The following STRN3 variants were observed in gnomAD, a reference collection of about 807,000 sequenced individuals.
STRN3 encodes striatin 3, also known as striatin-3.
In STRN3, 29 loss-of-function variants were observed where a neutral mutation model predicts 95.6. That is an observed-to-expected ratio of 0.30 (90% confidence interval 0.23 to 0.41). The LOEUF is 0.41. Ranked by LOEUF, STRN3 falls within the 10% of genes least tolerant of loss-of-function variation. STRN3 has a pLI of 1.00. For missense variants in STRN3, 890 were observed against 972.1 expected, an observed-to-expected ratio of 0.92 and a Z score of 1.12; for synonymous variants, 331 against 357.6, an observed-to-expected ratio of 0.93 and a Z score of 0.84.
At position 30,895,162 on chromosome 14, in the gene STRN3, G is replaced by A. The variant is rs569121516; in HGVS notation, c.*249C>T. On this transcript the variant is annotated 3_prime_UTR_variant, in exon 18 of 18. Transcript: ENST00000357479. ...TAAAGACACCTAAAAACAGATATAC[G>A]CTCAGTTCACATCCAGTACAGGCCA... is the stretch of plus-strand genomic sequence containing the variant. 15 of 387,810 alleles carry A rather than the reference G, an allele frequency of 3.9e-5. No individual in the cohort carries two copies. The highest frequency in any genetic ancestry group is 1.7e-4 in the African/African-American group (8 of 47,494). 24.0% of individuals were successfully genotyped at this position (387,810 alleles called of 1,614,324 possible). A position where few individuals can be genotyped will look rare whatever the true frequency, so the allele number is the denominator to read the frequency against.
At chr14:30,919,738 T>C (rs1482082524) in intron 8 of STRN3, among the ~76,000 whole-genome samples, 2 of 152,142 alleles carry the variant, frequency 1.3e-5, no homozygotes, top group Non-Finnish European at 2.9e-5. Flanking sequence ...ATCTCTGAGT[T>C]TCTCATAATG....
At chr14:30,933,693 T>C (rs971517493) in intron 7 of STRN3, among the ~76,000 whole-genome samples, 1 of 152,148 alleles carries the variant, frequency 6.6e-6, no homozygotes, top group Non-Finnish European at 1.5e-5. Context: ...TAGAAAGTAA[T>C]TGTGGAGTTT....
Position 30,929,276 on chromosome 14 carries a change from C to T in STRN3, c.1024G>A (p.Asp342Asn), listed in dbSNP as rs778245676. ...DDLSPTAEVW[D>N]VDQGLISKLK... ...TTACTTATTAGTCCCTGGTCTACATCCCAAACCTCAGCAGTTGGGGAGAGG... is the reference window on the plus strand; with the variant it reads ...TTACTTATTAGTCCCTGGTCTACATTCCAAACCTCAGCAGTTGGGGAGAGG... The change falls in exon 8 of 18, where the codon GAT becomes AAT. Residue 342 changes from aspartate to asparagine, a missense_variant. Asp to Asn is a conservative substitution (Grantham distance 23). Transcript: ENST00000357479. The T allele has an allele frequency of 1.2e-6, 2 of 1,613,638 alleles. No individual in the cohort carries two copies. The highest frequency in any genetic ancestry group is 1.1e-5 in the South Asian group (1 of 91,028).
intron 1 of STRN3, among the ~76,000 whole-genome samples, chr14:30,968,818 C>T (rs1194670667): frequency 1.3e-5 from 2 of 151,904 alleles, no homozygotes; most frequent in African/African-American, 2.4e-5. Flanking sequence ...AGTAATTAAG[C>T]CTCCTAAATG....
rs11297035 is a variant in STRN3 at position 30,911,295 on chromosome 14, C to CTTT, written c.1599-136_1599-134dup. 2,966 of 451,476 alleles carry CTTT rather than the reference C, an allele frequency of 6.6e-3. 7 individuals are homozygous for CTTT. The highest frequency in any genetic ancestry group is 0.012 in the Middle Eastern group (19 of 1,524). The allele number at this position is 451,476 out of a possible 1,614,324, so 28.0% of individuals were successfully genotyped here. A position where few individuals can be genotyped will look rare whatever the true frequency, so the allele number is the denominator to read the frequency against. On this transcript the variant is annotated intron_variant, in intron 12 of 17. Transcript: ENST00000357479. ...AGAGAACATGTACACCTGACTGGTA[C>CTTT]TTTTTTTTTTTTTTTTTTTTTGGAG... is the stretch of plus-strand genomic sequence containing the variant.
chr14:30,999,599 T>C (rs1002091809), intron 1 of STRN3, among the ~76,000 whole-genome samples: 5 of 152,244 alleles, frequency 3.3e-5, no homozygotes, highest in African/African-American at 4.8e-5. Context: ...AACTTGAAGA[T>C]AGGTCAACTG....
At chr14:30,956,095 C>T (rs1157808867) in intron 2 of STRN3, 44 bp downstream of exon 2, 1 of 1,533,682 alleles carries the variant, frequency 6.5e-7, no homozygotes, top group Non-Finnish European at 9.0e-7. Context: ...CATGAGTATA[C>T]TATTGTTCTA....
chr14:30,906,653 C>T (rs536436912), intron 14 of STRN3, among the ~76,000 whole-genome samples: 2 of 152,152 alleles, frequency 1.3e-5, no homozygotes, highest in African/African-American at 4.8e-5. Context: ...AATAGTTTTA[C>T]ATTTTTAAAA....
At chr14:30,967,875 A>T (rs924547893) in intron 1 of STRN3, among the ~76,000 whole-genome samples, 3 of 152,148 alleles carry the variant, frequency 2.0e-5, no homozygotes, top group African/African-American at 7.2e-5. Flanking sequence ...ATCCGACCAG[A>T]CCTAGGAGGA....
intron 4 of STRN3, among the ~76,000 whole-genome samples, chr14:30,947,883 G>T (rs1048716936): frequency 7.9e-5 from 12 of 152,158 alleles, no homozygotes; most frequent in Non-Finnish European, 1.5e-4. Flanking sequence ...ATGATACAAA[G>T]ATAATGAGTT....
intron 1 of STRN3, among the ~76,000 whole-genome samples, chr14:30,987,530 A>C (rs1425534282): frequency 1.8e-4 from 27 of 152,074 alleles, no homozygotes; most frequent in Middle Eastern, 3.4e-3. Context: ...ATAAAAAAAA[A>C]CATAAAATAA....
At chr14:31,000,016 T>C (rs1028253311) in intron 1 of STRN3, among the ~76,000 whole-genome samples, 1 of 152,192 alleles carries the variant, frequency 6.6e-6, no homozygotes, top group Non-Finnish European at 1.5e-5. Flanking sequence ...GAAAAGAGAT[T>C]GTCTATATCC....
rs868531796 is a variant in STRN3 at position 30,898,236 on chromosome 14, C to A, written c.2138-2488G>T. ...AAGCGATTCTCCTGCCTCAGTCTCT[C>A]AAAGTGCTGGGTTTACAGGCATGAC... On this transcript the variant is annotated intron_variant, in intron 16 of 17. Coordinates refer to ENST00000357479, the MANE Select transcript of STRN3 (RefSeq NM_001083893.2). 7.9e-5 allele frequency among the ~76,000 whole-genome samples: 12 copies of A among 151,670 alleles called. No homozygotes were observed. The South Asian group carries it at 1.1e-3, about 13-fold the overall frequency.
intron 1 of STRN3, among the ~76,000 whole-genome samples, chr14:30,996,172 C>G (rs1282414900): frequency 1.3e-5 from 2 of 152,164 alleles, no homozygotes; most frequent in Non-Finnish European, 2.9e-5. Context: ...CCCCAGGGAA[C>G]TCAATTTTAA....
At chr14:30,986,789 TA>T (rs942985817) in intron 1 of STRN3, among the ~76,000 whole-genome samples, 2 of 152,222 alleles carry the variant, frequency 1.3e-5, no homozygotes, top group Non-Finnish European at 2.9e-5. Flanking sequence ...GTGCCACTCT[TA>T]AACAGAAGAT....
At chr14:31,006,353 G>A (rs917552113) in intron 1 of STRN3, among the ~76,000 whole-genome samples, 1 of 151,996 alleles carries the variant, frequency 6.6e-6, no homozygotes, top group African/African-American at 2.4e-5. Flanking sequence ...GCCCAGGGTA[G>A]CTCTTGAGAC....
chr14:31,001,348 C>T (rs1295401403), intron 1 of STRN3, among the ~76,000 whole-genome samples: 3 of 151,818 alleles, frequency 2.0e-5, no homozygotes, highest in Non-Finnish European at 4.4e-5. Flanking sequence ...TCAGCATGGG[C>T]AACACAGCAA....
At chr14:30,930,183 T>G (rs890352749) in intron 7 of STRN3, among the ~76,000 whole-genome samples, 1 of 152,020 alleles carries the variant, frequency 6.6e-6, no homozygotes, top group Non-Finnish European at 1.5e-5. Context: ...AAAACAGCAC[T>G]AAAAAGAGGC....
chr14:30,921,492 A>G (rs1307866795), intron 8 of STRN3, among the ~76,000 whole-genome samples: 1 of 152,196 alleles, frequency 6.6e-6, no homozygotes, highest in African/African-American at 2.4e-5. Flanking sequence ...AGTTGAGGAA[A>G]TGATGCAACT....
Sources: allele counts gnomAD v4.1 joint callset (sites outside exome capture counted in the v4.1 genomes callset), GRCh38; gene constraint gnomAD v4.1.1; transcripts MANE v1.5; gene names NCBI Gene and HGNC (gene_info 2026-07-23, HGNC 2026-07-21).